RAB3B: variants seen among roughly 807,000 people sequenced by gnomAD.
The protein encoded by RAB3B is ras-related protein Rab-3B.
RAB3B carries 11 observed loss-of-function variants against 20.5 expected under a neutral mutation model. That is an observed-to-expected ratio of 0.54 (90% CI 0.34 to 0.89). The LOEUF is 0.89. Among genes scored for constraint, RAB3B ranks in the 40% least tolerant of loss-of-function variants. The probability of loss-of-function intolerance (pLI) is 0.02; values close to 1 mark genes in which losing one functional copy is unlikely to be tolerated. For synonymous variants in RAB3B, 99 were observed against 106.3 expected (o/e 0.93, Z 0.42); for missense variants, 225 against 280.9 (o/e 0.80, Z 1.42).
chr1:51,922,571 C>T (rs1684186640), intron 4 of RAB3B, among the ~76,000 whole-genome samples: 1 of 152,150 alleles, frequency 6.6e-6, no homozygotes, highest in South Asian at 2.1e-4. Flanking sequence ...CCTATATGTT[C>T]CTGGCCCACC....
At chr1:51,939,519 C>T (rs1684460654) in intron 2 of RAB3B, among the ~76,000 whole-genome samples, 1 of 152,128 alleles carries the variant, frequency 6.6e-6, no homozygotes, top group East Asian at 1.9e-4. Context: ...AACTCCTAGG[C>T]TCAAGTGATC....
rs201474930 is a variant in RAB3B at position 51,923,454 on chromosome 1, G to A, written c.473-3340C>T. 5.3e-5 allele frequency among the ~76,000 whole-genome samples: 8 copies of A among 152,262 alleles called. No homozygotes were observed. The East Asian group carries it at 1.5e-3, about 29-fold the overall frequency. ...ACTCAGGCTGGGTGCAGTGGCTCAC[G>A]CCTGTAATCCCTGCAGTTTGGGAGG... On this transcript the variant is annotated intron_variant, in intron 4 of 4. Coordinates refer to ENST00000371655, the MANE Select transcript of RAB3B (RefSeq NM_002867.4).
intron 4 of RAB3B, among the ~76,000 whole-genome samples, chr1:51,920,806 C>A (rs1684162792): frequency 2.0e-5 from 3 of 152,118 alleles, no homozygotes; most frequent in African/African-American, 7.2e-5. Flanking sequence ...CTAGGAGGCA[C>A]CTCAAGATTC....
At chr1:51,954,880 G>A (rs1684686480) in intron 2 of RAB3B, among the ~76,000 whole-genome samples, 1 of 152,240 alleles carries the variant, frequency 6.6e-6, no homozygotes, top group African/African-American at 2.4e-5. Flanking sequence ...AGACAGGAGA[G>A]GAAGTAGGAA....
chr1:51,958,820 A>G (rs546264316), intron 2 of RAB3B, among the ~76,000 whole-genome samples: 6 of 152,186 alleles, frequency 3.9e-5, no homozygotes, highest in Non-Finnish European at 7.4e-5. Flanking sequence ...GGCAGAACTG[A>G]TAGGGGTGGG....
rs1557958113 is a variant in RAB3B, at chr1:51,912,601, A to ATATATAT, written c.*7325_*7326insATATATA. 1.6e-3 allele frequency: 44 copies of ATATATAT among 26,854 alleles called. 1 individual carries two copies. Among genetic ancestry groups the ATATATAT allele is most frequent in the Non-Finnish European group, 2.2e-3 (29 of 13,450 alleles). The allele number at this position is 26,854 out of a possible 1,614,324, so 1.7% of individuals were successfully genotyped here. On this transcript the variant is annotated 3_prime_UTR_variant, in exon 5 of 5. Coordinates refer to ENST00000371655, the MANE Select transcript of RAB3B (RefSeq NM_002867.4). ...TATATATATATATATATATATATAT[A>ATATATAT]AAAAATGTTACTCCTGTGAGACAGA...
chr1:51,951,234 A>ATGAC (rs2124276351), intron 2 of RAB3B, among the ~76,000 whole-genome samples: 1 of 151,550 alleles, frequency 6.6e-6, no homozygotes, highest in South Asian at 2.1e-4. Flanking sequence ...GGTTTGGGGT[A>ATGAC]TGACTGATCC....
At position 51,933,302 on chromosome 1, in the gene RAB3B, T is replaced by G. The variant is rs753727935; in HGVS notation, c.472+16A>C. On this transcript the variant is annotated intron_variant, in intron 4 of 4. Coordinates refer to ENST00000371655, the MANE Select transcript of RAB3B (RefSeq NM_002867.4). ...GTACAAATGCACACATGCACATACA[T>G]GTGTCATGTACATACCAAGCTGCTC... 1 of 1,612,524 alleles carries G rather than the reference T, an allele frequency of 6.2e-7. No individual in the cohort carries two copies. Among genetic ancestry groups the G allele is most frequent in the Non-Finnish European group, 8.5e-7 (1 of 1,179,294 alleles).
chr1:51,989,128 C>CACACACAA (rs1349894673), intron 1 of RAB3B, among the ~76,000 whole-genome samples: 1 of 150,810 alleles, frequency 6.6e-6, no homozygotes, highest in Non-Finnish European at 1.5e-5. Context: ...CACACACACA[C>CACACACAA]ACACATCCTC....
At chr1:51,964,052 C>T (rs1479107150) in intron 2 of RAB3B, among the ~76,000 whole-genome samples, 1 of 152,166 alleles carries the variant, frequency 6.6e-6, no homozygotes, top group Admixed American at 6.6e-5. Flanking sequence ...CAGCTACCAC[C>T]CCAATTGTCT....
intron 2 of RAB3B, among the ~76,000 whole-genome samples, chr1:51,969,445 C>T (rs1684897879): frequency 6.6e-6 from 1 of 152,150 alleles, no homozygotes; most frequent in Non-Finnish European, 1.5e-5. Flanking sequence ...AAATCTGGGC[C>T]ACATGGACTT....
intron 2 of RAB3B, among the ~76,000 whole-genome samples, chr1:51,960,806 C>A (rs774097807): frequency 2.6e-5 from 4 of 152,196 alleles, no homozygotes; most frequent in Non-Finnish European, 5.9e-5. Context: ...GGCTCGCAAT[C>A]TTAAAGTGGT....
chr1:51,928,103 C>G (rs981707097), intron 4 of RAB3B, among the ~76,000 whole-genome samples: 1 of 152,044 alleles, frequency 6.6e-6, no homozygotes, highest in Non-Finnish European at 1.5e-5. Context: ...TCACAACACA[C>G]AGCTTTTTTT....
At chr1:51,956,762 T>C (rs1414311465) in intron 2 of RAB3B, among the ~76,000 whole-genome samples, 2 of 152,228 alleles carry the variant, frequency 1.3e-5, no homozygotes, top group East Asian at 3.8e-4. Context: ...GCAGAAATAA[T>C]GACTGGCTGC....
At chr1:51,968,292 A>T (rs1212898733) in intron 2 of RAB3B, among the ~76,000 whole-genome samples, 4 of 152,194 alleles carry the variant, frequency 2.6e-5, no homozygotes, top group African/African-American at 2.4e-5. Context: ...GTTTGTAGTA[A>T]TTTTAGTGCA....
chr1:51,987,802 A>G (rs1297171738), intron 1 of RAB3B, among the ~76,000 whole-genome samples: 4 of 152,342 alleles, frequency 2.6e-5, no homozygotes, highest in East Asian at 3.9e-4. Flanking sequence ...CAGTTGGCCC[A>G]GTGGAACCCA....
intron 1 of RAB3B, among the ~76,000 whole-genome samples, chr1:51,982,100 C>T (rs1034744178): frequency 1.3e-5 from 2 of 152,076 alleles, no homozygotes; most frequent in African/African-American, 2.4e-5. Flanking sequence ...CCTATTATTG[C>T]CCCTGAAGAC....
intron 1 of RAB3B, among the ~76,000 whole-genome samples, chr1:51,981,668 G>A (rs1468341488): frequency 6.6e-6 from 1 of 152,074 alleles, no homozygotes; most frequent in African/African-American, 2.4e-5. Flanking sequence ...GTACAATCAT[G>A]AACTGCATAA....
chr1:51,948,699 G>C, intron 2 of RAB3B, among the ~76,000 whole-genome samples: 1 of 152,174 alleles, frequency 6.6e-6, no homozygotes, highest in East Asian at 1.9e-4. Flanking sequence ...GACCATCCTG[G>C]AAAAGTCACA....
Sources: gnomAD v4.1 joint callset for allele counts (sites outside exome capture counted in the v4.1 genomes callset) on GRCh38, gnomAD v4.1.1 for gene constraint, MANE v1.5 for transcripts, NCBI Gene and HGNC (gene_info 2026-07-23, HGNC 2026-07-21) for gene names.